PGM3: variants seen among roughly 807,000 people sequenced by gnomAD.
PGM3 encodes phosphoglucomutase 3.
Under a neutral mutation model 66.2 loss-of-function variants are expected in PGM3, and 40 were observed. The ratio of observed to expected loss-of-function variants is 0.60; its 90% CI spans 0.47 to 0.79. The LOEUF (loss-of-function observed/expected upper bound fraction) is 0.79, where lower values mean the gene tolerates loss of function less well. Among genes scored for constraint, PGM3 ranks in the 30% least tolerant of loss-of-function variants. PGM3 has a pLI of 0.00. For synonymous variants in PGM3, 191 were observed against 224.2 expected (o/e 0.85, Z 1.32); for missense variants, 537 against 643.4 (o/e 0.83, Z 1.79).
chr6:83,178,685 T>C lies in PGM3; in HGVS notation c.1017A>G (p.Glu339=). The C allele has an allele frequency of 6.3e-7, 1 of 1,592,472 alleles. No homozygotes were observed. Among genetic ancestry groups the C allele is most frequent in the Non-Finnish European group, 8.6e-7 (1 of 1,160,600 alleles). The change falls in exon 8 of 13, where the codon GAA becomes GAG. Residue 339 remains glutamate (E), a synonymous_variant. Coordinates refer to ENST00000513973, the MANE Select transcript of PGM3 (RefSeq NM_015599.3). Reference sequence around the variant, plus strand: ...AATGGTTCAATACCTTCATAACTTCTTCAAGATACCGTGTTGAACTTCCAT... The same window carrying C: ...AATGGTTCAATACCTTCATAACTTCCTCAAGATACCGTGTTGAACTTCCAT... The part of the protein sequence containing the change: ...YANGSSTRYL[E]EVMKVPVYCT...
Position 83,167,911 on chromosome 6 carries a change from G to A in PGM3, c.*1323C>T, listed in dbSNP as rs774078724. ...GGGAGAACATTGGGTTGGGAGCCAGGGCACTTGCTGCTCACCATCTGCACC... is the reference window on the plus strand; with the variant it reads ...GGGAGAACATTGGGTTGGGAGCCAGAGCACTTGCTGCTCACCATCTGCACC... On this transcript the variant is annotated 3_prime_UTR_variant, in exon 13 of 13. Transcript: ENST00000513973. 9 of 1,613,634 alleles carry A rather than the reference G, an allele frequency of 5.6e-6. 1 individual carries two copies. In the Admixed American group the frequency reaches 1.5e-4, roughly 27 times the overall value.
intron 2 of PGM3, chr6:83,190,539 TA>T: frequency 6.6e-6 from 3 of 451,706 alleles, no homozygotes; most frequent in Non-Finnish European, 1.2e-5. Flanking sequence ...GAAAATGTCT[TA>T]AATCAATAAA....
chr6:83,173,283 A>G (rs1030051769), intron 10 of PGM3, among the ~76,000 whole-genome samples: 8 of 150,852 alleles, frequency 5.3e-5, no homozygotes, highest in African/African-American at 2.0e-4. Flanking sequence ...GTGGAAGACA[A>G]TGAAAGGTAT....
intron 11 of PGM3, 32 bp downstream of exon 11, chr6:83,171,905 T>G: frequency 6.4e-7 from 1 of 1,560,572 alleles, no homozygotes. Flanking sequence ...TAGCTAATAT[T>G]CAAAAAAGTT....
intron 9 of PGM3, among the ~76,000 whole-genome samples, chr6:83,175,557 T>G (rs1583267695): frequency 6.6e-6 from 1 of 152,220 alleles, no homozygotes; most frequent in East Asian, 1.9e-4. Context: ...TTGAAACATT[T>G]TATGCCTATC....
intron 4 of PGM3, among the ~76,000 whole-genome samples, chr6:83,184,486 C>T (rs910809443): frequency 6.6e-6 from 1 of 152,134 alleles, no homozygotes; most frequent in East Asian, 1.9e-4. Context: ...ACTAGAGGAA[C>T]CCATTATTCT....
At position 83,171,964 on chromosome 6, in the gene PGM3, A is replaced by G; in HGVS notation, c.1338T>C (p.Asp446=). 6.2e-7 allele frequency: 1 copy of G among 1,613,276 alleles called. No individual in the cohort carries two copies. Among genetic ancestry groups the G allele is most frequent in the Non-Finnish European group, 8.5e-7 (1 of 1,179,206 alleles). Residue 446 remains aspartate (D), a synonymous_variant, in exon 11 of 13, where the codon GAT becomes GAC. Coordinates refer to ENST00000513973, the MANE Select transcript of PGM3 (RefSeq NM_015599.3). ...GAACTTTAAGTTGTCTGTTTGGAAG[A>G]TCTGTATAGAGAGCATCCCACTGTT... ...TVQQWDALYT[D]LPNRQLKVQV...
chr6:83,163,735 A>AC (rs1335150276), downstream of PGM3, among the ~76,000 whole-genome samples: 4 of 151,922 alleles, frequency 2.6e-5, no homozygotes, highest in East Asian at 1.9e-4. Context: ...AGATTGCAAG[A>AC]CCCCCACAAC....
At chr6:83,169,637 C>T in intron 12 of PGM3, 1 of 472,726 alleles carries the variant, frequency 2.1e-6, no homozygotes, top group Non-Finnish European at 4.2e-6. Flanking sequence ...TAAGTAAGTA[C>T]TAATGCCTCT....
intron 4 of PGM3, among the ~76,000 whole-genome samples, chr6:83,184,606 A>G (rs1788437977): frequency 6.6e-6 from 1 of 152,232 alleles, no homozygotes; most frequent in Non-Finnish European, 1.5e-5. Flanking sequence ...AGCATTATCT[A>G]TCCAACTCAT....
At chr6:83,161,403 G>T (rs918169456), downstream of PGM3, among the ~76,000 whole-genome samples, 1 of 152,058 alleles carries the variant, frequency 6.6e-6, no homozygotes. Flanking sequence ...CAAAATACTT[G>T]ATAAGTTTAC....
chr6:83,179,498 A>G (rs1788019999), intron 7 of PGM3, among the ~76,000 whole-genome samples: 1 of 152,118 alleles, frequency 6.6e-6, no homozygotes, highest in African/African-American at 2.4e-5. Context: ...ATTTCCTATT[A>G]GAATTTAGGG....
chr6:83,160,844 CTTTTT>C (rs1174262663), downstream of PGM3, among the ~76,000 whole-genome samples: 2 of 151,946 alleles, frequency 1.3e-5, no homozygotes, highest in Non-Finnish European at 2.9e-5. Flanking sequence ...AGCTTTTTCT[CTTTTT>C]TATTTGGACA....
chr6:83,186,100 G>A (rs529763812), intron 4 of PGM3, among the ~76,000 whole-genome samples: 1 of 152,282 alleles, frequency 6.6e-6, no homozygotes, highest in Non-Finnish European at 1.5e-5. Context: ...GAAAGTGCTT[G>A]TGCCGGCAAC....
chr6:83,173,500 A>AAGAT (rs1186221233), intron 10 of PGM3, among the ~76,000 whole-genome samples: 1 of 152,006 alleles, frequency 6.6e-6, no homozygotes, highest in African/African-American at 2.4e-5. Flanking sequence ...GCTTTGGTAT[A>AAGAT]AGATATAACT....
upstream of PGM3, among the ~76,000 whole-genome samples, chr6:83,193,625 C>G (rs931821861): frequency 6.6e-6 from 1 of 152,130 alleles, no homozygotes; most frequent in African/African-American, 2.4e-5. Flanking sequence ...GAATCAGCCC[C>G]GTCGCTGGGC....
intron 2 of PGM3, among the ~76,000 whole-genome samples, chr6:83,190,062 G>A (rs1317000853): frequency 6.6e-6 from 1 of 152,148 alleles, no homozygotes; most frequent in Non-Finnish European, 1.5e-5. Context: ...AACGTACAGC[G>A]TGGTGACTAT....
At chr6:83,174,970 A>T (rs1434439878) in intron 9 of PGM3, among the ~76,000 whole-genome samples, 1 of 152,252 alleles carries the variant, frequency 6.6e-6, no homozygotes, top group Non-Finnish European at 1.5e-5. Context: ...TGTCATGGAT[A>T]GTCATTACAA....
At chr6:83,161,163 A>G (rs1391689169), downstream of PGM3, 3 of 152,166 alleles carry the variant, frequency 2.0e-5, no homozygotes, top group East Asian at 5.8e-4. Flanking sequence ...GACATGAAAT[A>G]GTATGCTCAT....
Sources: gnomAD v4.1 joint callset for allele counts (sites outside exome capture counted in the v4.1 genomes callset) on GRCh38, gnomAD v4.1.1 for gene constraint, MANE v1.5 for transcripts, NCBI Gene and HGNC (gene_info 2026-07-23, HGNC 2026-07-21) for gene names.